Variants in NUAK1 observed in about 807,000 individuals in gnomAD.
NUAK1 encodes the protein NUAK family kinase 1.
Under a neutral mutation model 56.9 loss-of-function variants are expected in NUAK1, and 26 were observed. That is an observed-to-expected ratio of 0.46 (90% CI 0.33 to 0.63). The LOEUF (loss-of-function observed/expected upper bound fraction) is 0.63. Ranked by LOEUF, NUAK1 falls within the 30% of genes least tolerant of loss-of-function variation. The probability of loss-of-function intolerance (pLI) is 0.02; values close to 1 mark genes in which losing one functional copy is unlikely to be tolerated. For missense variants in NUAK1, 727 were observed against 876.1 expected, an observed-to-expected ratio of 0.83 and a Z score of 2.15; for synonymous variants, 337 against 336.0, an observed-to-expected ratio of 1.00 and a Z score of -0.03.
At chr12:106,071,009 C>T in intron 5 of NUAK1, 103 bp from the exon 6 acceptor site, 1 of 1,223,958 alleles carries the variant, frequency 8.2e-7, no homozygotes, top group South Asian at 1.4e-5. Flanking sequence ...CCCCAGCAGC[C>T]CCAGGAACTG....
intron 2 of NUAK1, among the ~76,000 whole-genome samples, chr12:106,095,238 C>T (rs1412133727): frequency 6.6e-6 from 1 of 152,258 alleles, no homozygotes; most frequent in East Asian, 1.9e-4. Flanking sequence ...GAACCTCTCA[C>T]AACTACCCCC....
chr12:106,112,961 G>C (rs918067480), intron 1 of NUAK1, among the ~76,000 whole-genome samples: 1 of 152,148 alleles, frequency 6.6e-6, no homozygotes, highest in African/African-American at 2.4e-5. Context: ...GATGATTCCT[G>C]TGATGATATT....
chr12:106,131,857 A>G (rs1401944278), intron 1 of NUAK1, among the ~76,000 whole-genome samples: 2 of 152,094 alleles, frequency 1.3e-5, no homozygotes, highest in Non-Finnish European at 2.9e-5. Flanking sequence ...AATTTTATCA[A>G]TTCAGCCAGA....
intron 1 of NUAK1, among the ~76,000 whole-genome samples, chr12:106,116,109 T>A (rs1263250328): frequency 6.6e-6 from 1 of 152,228 alleles, no homozygotes; most frequent in Non-Finnish European, 1.5e-5. Context: ...TTCTGTTTTA[T>A]GCACCACGGC....
At chr12:106,083,730 G>A (rs924678455) in intron 4 of NUAK1, 134 bp downstream of exon 4, 6 of 716,400 alleles carry the variant, frequency 8.4e-6, no homozygotes, top group South Asian at 1.7e-5. Context: ...CTCAAGCAAA[G>A]AGACTCTTCC....
rs556976282 is a variant in NUAK1, at chr12:106,064,463, A to C, written c.*2339T>G. 2.0e-5 allele frequency: 3 copies of C among 152,368 alleles called. No individual in the cohort carries two copies. The highest frequency in any genetic ancestry group is 4.4e-5 in the Non-Finnish European group (3 of 68,060). The allele number at this position is 152,368 out of a possible 1,614,324, so 9.4% of individuals were successfully genotyped here. A position where few individuals can be genotyped will look rare whatever the true frequency, so the allele number is the denominator to read the frequency against. On this transcript the variant is annotated 3_prime_UTR_variant, in exon 7 of 7. Transcript: ENST00000261402. Reference sequence around the variant, plus strand: ...TGGAGGACTTTCTCTGCCACAGTCCACTGGCTGAGTTTCCTGACAAAAGAG... The same window carrying C: ...TGGAGGACTTTCTCTGCCACAGTCCCCTGGCTGAGTTTCCTGACAAAAGAG...
intron 2 of NUAK1, chr12:106,105,708 A>C (rs1212395677): frequency 6.6e-6 from 1 of 152,240 alleles, no homozygotes; most frequent in South Asian, 2.1e-4. Context: ...TTTAATTTTA[A>C]CATTTCGATT....
rs756042950 is a variant in NUAK1 at position 106,070,804 on chromosome 12, C to A, written c.802G>T (p.Gly268Ter). The A allele has an allele frequency of 6.2e-7, 1 of 1,614,206 alleles. No homozygotes were observed. The highest frequency in any genetic ancestry group is 1.1e-5 in the South Asian group (1 of 91,080). The change falls in exon 6 of 7, where the codon GGA (glycine) becomes TGA (stop). Residue 268 changes from glycine to a stop codon, truncating the protein, a stop_gained. Transcript: ENST00000261402. LOFTEE classifies it high-confidence loss of function. ...GGCTGTGTTGGCTCCCGGTACTCTC[C>A]GCTGCTGATTTGCCGAATGAGGTTT... ...HKNLIRQISS[G>*]EYREPTQPSD...
intron 1 of NUAK1, among the ~76,000 whole-genome samples, chr12:106,125,169 A>G (rs1362258806): frequency 6.6e-6 from 1 of 152,164 alleles, no homozygotes; most frequent in Non-Finnish European, 1.5e-5. Context: ...CAGTGATGGA[A>G]CCAGCAGCCA....
chr12:106,109,037 GA>G (rs889868187), intron 1 of NUAK1, among the ~76,000 whole-genome samples: 3 of 152,172 alleles, frequency 2.0e-5, no homozygotes, highest in African/African-American at 7.2e-5. Context: ...TTTTTCCACT[GA>G]AAATGTAAAA....
Position 106,115,663 on chromosome 12 carries a change from C to T in NUAK1, c.241-9138G>A, listed in dbSNP as rs547781088. ...TGTCATCTCCCTCATTAGTGCTCCA[C>T]AAGCCTGCCTGCTGGGATGCTCTTG... On this transcript the variant is annotated intron_variant, in intron 1 of 6. Coordinates refer to ENST00000261402, the MANE Select transcript of NUAK1 (RefSeq NM_014840.3). Among the ~76,000 whole-genome samples, 10 of 152,376 alleles carry T rather than the reference C, an allele frequency of 6.6e-5. No individual in the cohort carries two copies. The East Asian group carries it at 1.9e-3, about 29-fold the overall frequency.
intron 1 of NUAK1, among the ~76,000 whole-genome samples, chr12:106,112,236 GT>G (rs1349571834): frequency 6.6e-6 from 1 of 152,094 alleles, no homozygotes; most frequent in Admixed American, 6.6e-5. Flanking sequence ...CATTCACAAG[GT>G]GTGATCTCAT....
Position 106,110,426 on chromosome 12 carries a change from T to C in NUAK1, c.241-3901A>G, listed in dbSNP as rs1333307073. Among the ~76,000 whole-genome samples, 3 of 151,952 alleles carry C rather than the reference T, an allele frequency of 2.0e-5. No individual in the cohort carries two copies. In the East Asian group the frequency reaches 5.8e-4, roughly 29 times the overall value. On this transcript the variant is annotated intron_variant, in intron 1 of 6. Coordinates refer to ENST00000261402, the MANE Select transcript of NUAK1 (RefSeq NM_014840.3). ...CAATAAGCAAAACTCACACCAGTAA[T>C]TACATAATTACCCTCATGGCCAGGG...
At chr12:106,134,417 G>A (rs1387502444) in intron 1 of NUAK1, among the ~76,000 whole-genome samples, 1 of 152,232 alleles carries the variant, frequency 6.6e-6, no homozygotes, top group Non-Finnish European at 1.5e-5. Context: ...GCTAGGTGAG[G>A]ATGCCCCATC....
chr12:106,119,680 A>T (rs2032954518), intron 1 of NUAK1, among the ~76,000 whole-genome samples: 1 of 152,158 alleles, frequency 6.6e-6, no homozygotes, highest in South Asian at 2.1e-4. Flanking sequence ...AGCATGCACT[A>T]TTTTCGCTAA....
At chr12:106,081,913 C>A (rs975298229) in intron 4 of NUAK1, among the ~76,000 whole-genome samples, 3 of 152,074 alleles carry the variant, frequency 2.0e-5, no homozygotes, top group Non-Finnish European at 4.4e-5. Flanking sequence ...TGACACAAAC[C>A]CTTAGAAAAA....
intron 1 of NUAK1, among the ~76,000 whole-genome samples, chr12:106,127,646 A>C (rs1592863717): frequency 6.6e-6 from 1 of 152,188 alleles, no homozygotes; most frequent in South Asian, 2.1e-4. Flanking sequence ...GACTCTCCGT[A>C]CACTTGCAAA....
At chr12:106,121,854 A>G (rs191022075) in intron 1 of NUAK1, among the ~76,000 whole-genome samples, 30 of 152,342 alleles carry the variant, frequency 2.0e-4, no homozygotes, top group Non-Finnish European at 2.8e-4. Flanking sequence ...CCCTACACAC[A>G]CAAAACACAC....
At chr12:106,109,655 T>G (rs2032839199) in intron 1 of NUAK1, among the ~76,000 whole-genome samples, 1 of 152,096 alleles carries the variant, frequency 6.6e-6, no homozygotes, top group South Asian at 2.1e-4. Context: ...CAGACAGTAT[T>G]GCATAATGCT....
Sources: allele counts gnomAD v4.1 joint callset (sites outside exome capture counted in the v4.1 genomes callset), GRCh38; gene constraint gnomAD v4.1.1; transcripts MANE v1.5; gene names NCBI Gene and HGNC (gene_info 2026-07-23, HGNC 2026-07-21).